Variants in SLC17A5 observed in about 807,000 individuals in gnomAD.
SLC17A5 encodes sialin.
In SLC17A5, 47 loss-of-function variants were observed where a neutral mutation model predicts 59.4. That is an observed-to-expected ratio of 0.79 (90% CI 0.63 to 1.01). SLC17A5 has a LOEUF of 1.01. Ranked by LOEUF, SLC17A5 falls within the 50% of genes least tolerant of loss-of-function variation. The pLI is 0.00. For missense variants in SLC17A5, 522 were observed against 595.5 expected, an observed-to-expected ratio of 0.88 and a Z score of 1.28; for synonymous variants, 202 against 210.7, an observed-to-expected ratio of 0.96 and a Z score of 0.36.
intron 10 of SLC17A5, 49 bp from the exon 11 acceptor site, chr6:73,595,263 T>C: frequency 6.2e-7 from 1 of 1,600,144 alleles, no homozygotes; most frequent in Non-Finnish European, 8.6e-7. Flanking sequence ...TTGTGTGTAG[T>C]TCACTTCATT....
chr6:73,595,889 T>C (rs1231008520), intron 10 of SLC17A5, among the ~76,000 whole-genome samples: 1 of 147,540 alleles, frequency 6.8e-6, no homozygotes, highest in Non-Finnish European at 1.5e-5. Context: ...ATTTTCTTTG[T>C]GTGTGTATAT....
Position 73,641,681 on chromosome 6 carries a change from A to C in SLC17A5, c.525+10T>G. The C allele has an allele frequency of 1.3e-6, 2 of 1,576,516 alleles. No homozygotes were observed. The highest frequency in any genetic ancestry group is 1.7e-6 in the Non-Finnish European group (2 of 1,153,382). ...GGTAAGAAGTAAAACAAGAGAGAAA[A>C]GAAAATTACCTCTCCTAGTCCTTCT... On this transcript the variant is annotated intron_variant, in intron 3 of 10. Transcript: ENST00000355773.
At chr6:73,628,486 G>A (rs1214174023) in intron 6 of SLC17A5, among the ~76,000 whole-genome samples, 4 of 152,168 alleles carry the variant, frequency 2.6e-5, no homozygotes, top group Admixed American at 6.5e-5. Flanking sequence ...CATGAGAATC[G>A]CTTGAACCCG....
rs563261311 is a variant in SLC17A5 at position 73,635,706 on chromosome 6, A to C, written c.701-206T>G. ...AATTCTTTAATGGGATAATTGCTATAACTGTATTATTGCTTATACATTTTG... is the reference window on the plus strand; with the variant it reads ...AATTCTTTAATGGGATAATTGCTATCACTGTATTATTGCTTATACATTTTG... On this transcript the variant is annotated intron_variant, in intron 5 of 10. Transcript: ENST00000355773. Among the ~76,000 whole-genome samples the C allele has an allele frequency of 2.6e-5, 4 of 152,218 alleles. No individual in the cohort carries two copies. The East Asian group carries it at 7.7e-4, about 29-fold the overall frequency.
intron 7 of SLC17A5, among the ~76,000 whole-genome samples, chr6:73,621,321 CAG>C (rs988569580): frequency 2.0e-5 from 3 of 152,034 alleles, no homozygotes; most frequent in South Asian, 2.1e-4. Context: ...GTATTTTTAA[CAG>C]AGACAGGGTT....
chr6:73,642,669 A>G (rs1476060389), intron 2 of SLC17A5, among the ~76,000 whole-genome samples: 1 of 152,206 alleles, frequency 6.6e-6, no homozygotes. Flanking sequence ...ACTAATGAAG[A>G]TTTAGTGACT....
chr6:73,595,060 A>T lies in SLC17A5; in HGVS notation c.*17T>A. On this transcript the variant is annotated 3_prime_UTR_variant, in exon 11 of 11. Coordinates refer to ENST00000355773, the MANE Select transcript of SLC17A5 (RefSeq NM_012434.5). ...ATAAAAATACATTAATAGAGGCAGG[A>T]TTATTTATTGGTTCCTTCAGTGTCT... The T allele has an allele frequency of 6.2e-7, 1 of 1,613,718 alleles. No individual in the cohort carries two copies.
intron 9 of SLC17A5, among the ~76,000 whole-genome samples, chr6:73,608,773 C>CG (rs1424968843): frequency 1.3e-5 from 2 of 152,138 alleles, no homozygotes; most frequent in African/African-American, 4.8e-5. Flanking sequence ...CCTAGCACTT[C>CG]GGGGGGCTGA....
chr6:73,633,056 GT>G (rs1768831981), intron 6 of SLC17A5, among the ~76,000 whole-genome samples: 1 of 152,160 alleles, frequency 6.6e-6, no homozygotes, highest in Admixed American at 6.5e-5. Context: ...GCTGATCATA[GT>G]TCACTGCAAC....
intron 3 of SLC17A5, 117 bp from the exon 4 acceptor site, chr6:73,638,616 G>T: frequency 1.2e-6 from 1 of 807,374 alleles, no homozygotes; most frequent in Non-Finnish European, 2.1e-6. Flanking sequence ...AAACGAATCA[G>T]GTTCCATGAA....
intron 7 of SLC17A5, 125 bp downstream of exon 7, chr6:73,621,679 C>T: frequency 1.3e-6 from 1 of 774,340 alleles, no homozygotes. Flanking sequence ...ATAAGAATCT[C>T]TAAAATTTAG....
intron 5 of SLC17A5, among the ~76,000 whole-genome samples, 195 bp from the exon 6 acceptor site, chr6:73,635,695 A>G (rs1768959666): frequency 6.6e-6 from 1 of 152,096 alleles, no homozygotes; most frequent in African/African-American, 2.4e-5. Context: ...CTTTAATGGG[A>G]TAATTGCTAT....
chr6:73,595,360 T>C (rs1359453886), intron 10 of SLC17A5, 146 bp from the exon 11 acceptor site: 1 of 812,862 alleles, frequency 1.2e-6, no homozygotes, highest in Non-Finnish European at 2.0e-6. Flanking sequence ...CCACCAGCAG[T>C]AGGATAGTGG....
intron 7 of SLC17A5, among the ~76,000 whole-genome samples, chr6:73,620,711 G>T (rs1378867586): frequency 6.6e-6 from 1 of 151,654 alleles, no homozygotes; most frequent in African/African-American, 2.4e-5. Context: ...TGTGCAGTCA[G>T]CCTTGTTAGC....
intron 5 of SLC17A5, 24 bp downstream of exon 5, chr6:73,636,597 A>G (rs1032021663): frequency 3.2e-6 from 4 of 1,268,536 alleles, no homozygotes; most frequent in African/African-American, 2.9e-5. Context: ...TTACATTATA[A>G]TTTAGTTAAA....
chr6:73,622,031 T>C, intron 6 of SLC17A5, 69 bp from the exon 7 acceptor site: 1 of 1,463,566 alleles, frequency 6.8e-7, no homozygotes, highest in Non-Finnish European at 9.6e-7. Flanking sequence ...CCGTATCAGC[T>C]AAAACTCTAT....
At chr6:73,651,608 T>G (rs1037552342) in intron 1 of SLC17A5, among the ~76,000 whole-genome samples, 1 of 151,546 alleles carries the variant, frequency 6.6e-6, no homozygotes, top group African/African-American at 2.4e-5. Flanking sequence ...AGGGGCGTGA[T>G]CTCGGCTCAC....
At chr6:73,649,375 G>C (rs1167999689) in intron 1 of SLC17A5, among the ~76,000 whole-genome samples, 1 of 152,192 alleles carries the variant, frequency 6.6e-6, no homozygotes, top group Non-Finnish European at 1.5e-5. Flanking sequence ...AGCTGAGATG[G>C]GGAAGGATTG....
intron 6 of SLC17A5, among the ~76,000 whole-genome samples, chr6:73,624,397 CTG>C (rs1229113223): frequency 6.6e-6 from 1 of 152,058 alleles, no homozygotes; most frequent in Non-Finnish European, 1.5e-5. Flanking sequence ...GAGCGAGACT[CTG>C]TCTCAAAAAA....
Sources: gnomAD v4.1 joint callset for allele counts (sites outside exome capture counted in the v4.1 genomes callset) on GRCh38, gnomAD v4.1.1 for gene constraint, MANE v1.5 for transcripts, NCBI Gene and HGNC (gene_info 2026-07-23, HGNC 2026-07-21) for gene names.